Variants in IL1RAPL1 observed in about 807,000 individuals in gnomAD.
IL1RAPL1 encodes the protein interleukin-1 receptor accessory protein-like 1.
Under a neutral mutation model 48.4 loss-of-function variants are expected in IL1RAPL1, and 3 were observed. That is an observed-to-expected ratio of 0.06 (90% CI 0.03 to 0.16). The LOEUF is 0.16. Ranked by LOEUF, IL1RAPL1 falls within the 10% of genes least tolerant of loss-of-function variation. The pLI is 1.00. For synonymous variants in IL1RAPL1, 185 were observed against 187.7 expected (o/e 0.99, Z 0.12); for missense variants, 349 against 530.6 (o/e 0.66, Z 3.36).
chrX:28,588,370 G>A (rs942199550), intron 1 of IL1RAPL1, among the ~76,000 whole-genome samples: 4 of 111,143 alleles, frequency 3.6e-5, no homozygotes, highest in Non-Finnish European at 5.7e-5. Flanking sequence ...TTAATTCTGG[G>A]TAGACACTCT....
intron 1 of IL1RAPL1, among the ~76,000 whole-genome samples, chrX:28,649,713 G>T (rs924206376): frequency 8.9e-6 from 1 of 112,373 alleles, no homozygotes; most frequent in African/African-American, 3.2e-5. Context: ...ATAGGAAGCC[G>T]AATGAGACTC....
intron 5 of IL1RAPL1, among the ~76,000 whole-genome samples, chrX:29,484,993 A>T (rs1935081848): frequency 8.9e-6 from 1 of 112,084 alleles, no homozygotes; most frequent in Non-Finnish European, 1.9e-5. Flanking sequence ...GGATTAACAC[A>T]AACTGAAGGT....
rs1414908918 is a variant in IL1RAPL1 at position 29,676,116 on chromosome X, T to C, written c.778+7612T>C. On this transcript the variant is annotated intron_variant, in intron 6 of 10. Transcript: ENST00000378993. ...ACAGTTTAGCTCCACCATTTACTTCTAGTGTGACCTTGAACAACCAGCTTT... is the reference window on the plus strand; with the variant it reads ...ACAGTTTAGCTCCACCATTTACTTCCAGTGTGACCTTGAACAACCAGCTTT... 2.7e-5 allele frequency among the ~76,000 whole-genome samples: 3 copies of C among 111,763 alleles called. No individual in the cohort carries two copies. The East Asian group carries it at 8.4e-4, about 31-fold the overall frequency.
chrX:28,981,422 C>T (rs1047012371), intron 2 of IL1RAPL1, among the ~76,000 whole-genome samples: 6 of 110,805 alleles, frequency 5.4e-5, no homozygotes, highest in Admixed American at 2.9e-4. Flanking sequence ...GACCCCTGAA[C>T]CAATATTTTT....
chrX:29,329,242 T>A (rs1932865094), intron 3 of IL1RAPL1, among the ~76,000 whole-genome samples: 1 of 111,596 alleles, frequency 9.0e-6, no homozygotes, highest in South Asian at 3.8e-4. Flanking sequence ...GTCTATATCC[T>A]GAATTCAATT....
intron 1 of IL1RAPL1, among the ~76,000 whole-genome samples, chrX:28,768,703 T>TTCTCTC (rs1195886664): frequency 5.1e-5 from 3 of 58,844 alleles, no homozygotes; most frequent in African/African-American, 1.3e-4. Flanking sequence ...CTCTCTCTGT[T>TTCTCTC]TCTCTCTCTC....
intron 3 of IL1RAPL1, among the ~76,000 whole-genome samples, chrX:29,313,762 TCTC>T (rs1305658347): frequency 8.9e-6 from 1 of 111,784 alleles, no homozygotes; most frequent in African/African-American, 3.3e-5. Flanking sequence ...ACAACACTAA[TCTC>T]CTCCCGCAAC....
At chrX:29,288,945 C>T (rs1390136097) in intron 3 of IL1RAPL1, among the ~76,000 whole-genome samples, 1 of 112,127 alleles carries the variant, frequency 8.9e-6, no homozygotes, top group Non-Finnish European at 1.9e-5. Context: ...TGTTTGTTGG[C>T]CGCTTAAATG....
At chrX:29,333,920 G>A (rs1932929331) in intron 3 of IL1RAPL1, among the ~76,000 whole-genome samples, 3 of 88,023 alleles carry the variant, frequency 3.4e-5, no homozygotes, top group Admixed American at 2.2e-4. Flanking sequence ...CTGGCCAGGC[G>A]GGGGGCTGAT....
chrX:29,911,794 A>G (rs1470061170), intron 6 of IL1RAPL1, among the ~76,000 whole-genome samples: 1 of 112,105 alleles, frequency 8.9e-6, no homozygotes. Context: ...TCCCTGTCAC[A>G]TTTTAAGTAC....
intron 2 of IL1RAPL1, among the ~76,000 whole-genome samples, chrX:29,146,407 C>T (rs1223625129): frequency 3.6e-5 from 4 of 111,302 alleles, no homozygotes; most frequent in Non-Finnish European, 5.7e-5. Context: ...CCATTCCTTG[C>T]ACCCTTTCCC....
chrX:28,726,355 A>G (rs1055652368), intron 1 of IL1RAPL1, among the ~76,000 whole-genome samples: 3 of 112,397 alleles, frequency 2.7e-5, no homozygotes, highest in African/African-American at 9.7e-5. Context: ...AACACACACT[A>G]CTTGATTATT....
intron 5 of IL1RAPL1, among the ~76,000 whole-genome samples, chrX:29,655,466 C>T (rs73219678): frequency 0.23 from 25,292 of 109,232 alleles, 2,658 homozygotes; most frequent in South Asian, 0.45. Context: ...AGTTCGAGAC[C>T]AGCCTGGCCA....
intron 2 of IL1RAPL1, among the ~76,000 whole-genome samples, chrX:29,097,459 G>A (rs1364782431): frequency 8.9e-6 from 1 of 111,948 alleles, no homozygotes; most frequent in Non-Finnish European, 1.9e-5. Context: ...TTCCAAAGGT[G>A]CAGAGCAAGT....
chrX:29,689,827 C>T (rs1926727550), intron 6 of IL1RAPL1, among the ~76,000 whole-genome samples: 1 of 111,855 alleles, frequency 8.9e-6, no homozygotes, highest in African/African-American at 3.3e-5. Flanking sequence ...TGGAATATAT[C>T]ACAATGGAAT....
In IL1RAPL1 at chrX:28,975,746, C is replaced by T. The variant is rs187960646; in HGVS notation, c.82+186321C>T. On this transcript the variant is annotated intron_variant, in intron 2 of 10. Transcript: ENST00000378993. Reference sequence around the variant, plus strand: ...TAAGATAAATATATGAAATATCTTACATGGTGATAAATGTTTTAGAGAAAG... The same window carrying T: ...TAAGATAAATATATGAAATATCTTATATGGTGATAAATGTTTTAGAGAAAG... Among the ~76,000 whole-genome samples, 7 of 111,795 alleles carry T rather than the reference C, an allele frequency of 6.3e-5. No individual in the cohort carries two copies. The Admixed American group carries it at 6.6e-4, about 11-fold the overall frequency.
At chrX:28,589,511 C>T (rs1165381299) in intron 1 of IL1RAPL1, among the ~76,000 whole-genome samples, 1 of 111,198 alleles carries the variant, frequency 9.0e-6, no homozygotes, top group African/African-American at 3.3e-5. Context: ...TTTAGCCACA[C>T]CCGTGGAGAG....
chrX:29,169,469 T>C (rs1929867819), intron 2 of IL1RAPL1, among the ~76,000 whole-genome samples: 1 of 110,533 alleles, frequency 9.0e-6, no homozygotes, highest in South Asian at 3.7e-4. Flanking sequence ...AAGACTTCCT[T>C]AAGTACAATT....
At chrX:28,647,146 G>A (rs760932756) in intron 1 of IL1RAPL1, among the ~76,000 whole-genome samples, 6 of 112,027 alleles carry the variant, frequency 5.4e-5, no homozygotes, top group Admixed American at 1.9e-4. Flanking sequence ...ACTACCATTA[G>A]TTGGCTGCCC....
Sources: allele counts gnomAD v4.1 joint callset (sites outside exome capture counted in the v4.1 genomes callset), GRCh38; gene constraint gnomAD v4.1.1; transcripts MANE v1.5; gene names NCBI Gene and HGNC (gene_info 2026-07-23, HGNC 2026-07-21).